The following DCLK2 variants were observed in gnomAD, a reference collection of about 807,000 sequenced individuals.
DCLK2 encodes the protein serine/threonine-protein kinase DCLK2.
In DCLK2, 31 loss-of-function variants were observed where a neutral mutation model predicts 78.4. The observed-to-expected ratio is 0.40, with a 90% CI of 0.30 to 0.53. The LOEUF (loss-of-function observed/expected upper bound fraction) is 0.53, where lower values mean the gene tolerates loss of function less well. Among genes scored for constraint, DCLK2 ranks in the 20% least tolerant of loss-of-function variants. The probability of loss-of-function intolerance (pLI) is 0.61; values close to 1 mark genes in which losing one functional copy is unlikely to be tolerated. For missense variants in DCLK2, 872 were observed against 973.7 expected (o/e 0.90, Z 1.39); for synonymous variants, 407 against 374.9 (o/e 1.09, Z -0.99).
At chr4:150,152,033 A>G (rs1051288195) in intron 2 of DCLK2, among the ~76,000 whole-genome samples, 3 of 152,218 alleles carry the variant, frequency 2.0e-5, no homozygotes, top group Non-Finnish European at 4.4e-5. Context: ...AGCTTATTCA[A>G]CTGACATTTT....
At position 150,150,893 on chromosome 4, in the gene DCLK2, C is replaced by T. The variant is rs1171248885; in HGVS notation, c.757-42245C>T. On this transcript the variant is annotated intron_variant, in intron 2 of 15. Transcript: ENST00000296550. ...AATAAAGGAGGGCAGCACTGAAAAG[C>T]CTGGACAGGCTCCTTTCTTCTCTCC... is the stretch of plus-strand genomic sequence containing the variant. 7.2e-5 allele frequency among the ~76,000 whole-genome samples: 11 copies of T among 152,330 alleles called. No homozygotes were observed. In the East Asian group the frequency reaches 1.7e-3, roughly 24 times the overall value.
At position 150,102,685 on chromosome 4, in the gene DCLK2, A is replaced by G; in HGVS notation, c.629A>G (p.Lys210Arg). 1.9e-6 allele frequency: 3 copies of G among 1,614,122 alleles called. No individual in the cohort carries two copies. The highest frequency in any genetic ancestry group is 2.5e-6 in the Non-Finnish European group (3 of 1,179,996). The change falls in exon 2 of 16, where the codon AAA becomes AGA. Residue 210 changes from lysine (K) to arginine (R), a missense_variant. Lys to Arg is a conservative substitution (Grantham distance 26, BLOSUM62 2). Coordinates refer to ENST00000296550, the MANE Select transcript of DCLK2 (RefSeq NM_001040260.4). ...ATTCGAAGTGGAGTGAAGCCTAGAAAAGCCGTGCGGATCCTTCTGAATAAA... is the reference window on the plus strand; with the variant it reads ...ATTCGAAGTGGAGTGAAGCCTAGAAGAGCCGTGCGGATCCTTCTGAATAAA... ...TVIRSGVKPR[K>R]AVRILLNKKT...
At chr4:150,131,636 G>A (rs79675707) in intron 2 of DCLK2, among the ~76,000 whole-genome samples, 1,704 of 152,120 alleles carry the variant, frequency 0.011, 38 homozygotes, top group African/African-American at 0.039. Flanking sequence ...ACAATCCTGG[G>A]TGTTACTGGA....
At chr4:150,180,597 T>A (rs941586691) in intron 2 of DCLK2, among the ~76,000 whole-genome samples, 3 of 152,178 alleles carry the variant, frequency 2.0e-5, no homozygotes, top group Admixed American at 6.5e-5. Context: ...TTCTGACTTC[T>A]TCACCTGAGT....
rs183871906 is a variant in DCLK2, at chr4:150,143,989, G to T, written c.756+41177G>T. ...GCAAATATTTTTTCCCATTCTGTAG[G>T]TTGGCTGTTTACTCTGTTGATTCTC... On this transcript the variant is annotated intron_variant, in intron 2 of 15. Transcript: ENST00000296550. Among the ~76,000 whole-genome samples the T allele has an allele frequency of 8.7e-4, 133 of 152,134 alleles. 1 individual carries two copies. Among genetic ancestry groups the T allele is most frequent in the Middle Eastern group, 6.8e-3 (2 of 294 alleles).
At chr4:150,152,234 AAC>A (rs112066903) in intron 2 of DCLK2, among the ~76,000 whole-genome samples, 46,776 of 152,032 alleles carry the variant, frequency 0.31, 8,222 homozygotes, top group Non-Finnish European at 0.4. Flanking sequence ...CAGTGAGAAA[AAC>A]ACACATAATT....
intron 15 of DCLK2, chr4:150,253,280 A>G (rs746209931): frequency 3.4e-6 from 2 of 593,330 alleles, no homozygotes; most frequent in East Asian, 5.4e-5. Context: ...TGATAGTGGA[A>G]ATAGTGTCAA....
At chr4:150,157,069 C>G (rs1475906618) in intron 2 of DCLK2, among the ~76,000 whole-genome samples, 1 of 151,690 alleles carries the variant, frequency 6.6e-6, no homozygotes, top group Non-Finnish European at 1.5e-5. Context: ...TGCGCACAGC[C>G]AGGAGTTACT....
At chr4:150,129,661 A>G (rs1733161597) in intron 2 of DCLK2, among the ~76,000 whole-genome samples, 1 of 151,968 alleles carries the variant, frequency 6.6e-6, no homozygotes. Flanking sequence ...CGGAGGTTGC[A>G]GTGAGCCAAG....
chr4:150,198,920 C>CCA (rs1553967949), intron 4 of DCLK2: 2 of 621,824 alleles, frequency 3.2e-6, no homozygotes, highest in Non-Finnish European at 5.4e-6. Context: ...ACCCCCCCCC[C>CCA]CACTTTCTGT....
rs34276664 is a variant in DCLK2, at chr4:150,104,394, T to TAAAAAAAAAAAAA, written c.756+1599_756+1611dup. Among the ~76,000 whole-genome samples the TAAAAAAAAAAAAA allele has an allele frequency of 3.8e-3, 113 of 29,746 alleles. 11 individuals are homozygous for TAAAAAAAAAAAAA. The highest frequency in any genetic ancestry group is 4.3e-3 in the Non-Finnish European group (79 of 18,194). 19.5% of individuals were successfully genotyped at this position (29,746 alleles called of 152,430 possible). On this transcript the variant is annotated intron_variant, in intron 2 of 15. Transcript: ENST00000296550. ...TGGTGACAAAAAAGACCACATCTCC[T>TAAAAAAAAAAAAA]AAAAAAAAAAAAAAAAAAAAAAAAA...
chr4:150,150,988 C>A (rs1734852165), intron 2 of DCLK2, among the ~76,000 whole-genome samples: 1 of 152,220 alleles, frequency 6.6e-6, no homozygotes, highest in Admixed American at 6.5e-5. Context: ...CCTGCTCTTG[C>A]AGGGAAGGCT....
chr4:150,219,905 A>G (rs1241718390), intron 5 of DCLK2, among the ~76,000 whole-genome samples: 1 of 152,210 alleles, frequency 6.6e-6, no homozygotes, highest in Non-Finnish European at 1.5e-5. Context: ...TGGAGTTATT[A>G]TGTTGGTAAC....
chr4:150,089,604 A>G (rs1729904295), intron 1 of DCLK2, among the ~76,000 whole-genome samples: 1 of 152,242 alleles, frequency 6.6e-6, no homozygotes, highest in Admixed American at 6.5e-5. Context: ...AAATTGCAGA[A>G]GCCAAGTATT....
At chr4:150,099,513 A>G (rs1282467872) in intron 1 of DCLK2, among the ~76,000 whole-genome samples, 1 of 152,246 alleles carries the variant, frequency 6.6e-6, no homozygotes, top group African/African-American at 2.4e-5. Flanking sequence ...TTATAAGACA[A>G]GCTAGCTTGG....
At chr4:150,143,283 C>T (rs185840262) in intron 2 of DCLK2, among the ~76,000 whole-genome samples, 26 of 152,076 alleles carry the variant, frequency 1.7e-4, no homozygotes, top group African/African-American at 6.3e-4. Flanking sequence ...TGTCTTTATC[C>T]GGTCAACTGT....
intron 9 of DCLK2, 70 bp downstream of exon 9, chr4:150,232,526 GA>G (rs1220177996): frequency 6.3e-7 from 1 of 1,577,962 alleles, no homozygotes; most frequent in African/African-American, 1.4e-5. Flanking sequence ...GACCTAATCA[GA>G]AAAGTGTATT....
In DCLK2 at chr4:150,232,372, C is replaced by T; in HGVS notation, c.1335C>T (p.Arg445=). Residue 445 remains arginine, a synonymous_variant, in exon 9 of 16, where the codon CGC becomes CGT. Transcript: ENST00000296550. Reference sequence around the variant, plus strand: ...TTGAGAATGAAGTGTCAATACTGCGCCGAGTGAAACATCCCAATATCATTA... The same window carrying T: ...TTGAGAATGAAGTGTCAATACTGCGTCGAGTGAAACATCCCAATATCATTA... The part of the protein sequence containing the change: ...HLIENEVSIL[R]RVKHPNIIML... The T allele has an allele frequency of 1.2e-6, 2 of 1,614,084 alleles. No homozygotes were observed. Among genetic ancestry groups the T allele is most frequent in the Non-Finnish European group, 8.5e-7 (1 of 1,179,972 alleles).
At chr4:150,193,628 T>C (rs537449460) in intron 3 of DCLK2, among the ~76,000 whole-genome samples, 30 of 152,188 alleles carry the variant, frequency 2.0e-4, no homozygotes, top group Non-Finnish European at 3.2e-4. Context: ...TAGTCATCCA[T>C]TTTTTGTGAT....
Sources: gnomAD v4.1 joint callset for allele counts (sites outside exome capture counted in the v4.1 genomes callset) on GRCh38, gnomAD v4.1.1 for gene constraint, MANE v1.5 for transcripts, NCBI Gene and HGNC (gene_info 2026-07-23, HGNC 2026-07-21) for gene names.